The following MDGA2 variants were observed in gnomAD, a reference collection of about 807,000 sequenced individuals.
The protein encoded by MDGA2 is MAM domain-containing glycosylphosphatidylinositol anchor protein 2.
A neutral mutation model predicts 117.8 loss-of-function variants in MDGA2; 40 were observed. The observed-to-expected ratio is 0.34, with a 90% CI of 0.26 to 0.44. The LOEUF (loss-of-function observed/expected upper bound fraction) is 0.44. Ranked by LOEUF, MDGA2 falls within the 20% of genes least tolerant of loss-of-function variation. The pLI, the probability that MDGA2 is intolerant of heterozygous loss-of-function variation, is 1.00. For missense variants in MDGA2, 1,123 were observed against 1,250.6 expected (o/e 0.90, Z 1.54); for synonymous variants, 452 against 439.0 (o/e 1.03, Z -0.37).
intron 1 of MDGA2, among the ~76,000 whole-genome samples, chr14:47,556,103 G>C (rs191530806): frequency 2.2e-4 from 34 of 152,230 alleles, no homozygotes; most frequent in African/African-American, 7.0e-4. Context: ...AAGCTTTTCT[G>C]GCTATATTCG....
chr14:47,441,989 T>A (rs1893021739), intron 1 of MDGA2, among the ~76,000 whole-genome samples: 1 of 151,776 alleles, frequency 6.6e-6, no homozygotes, highest in Non-Finnish European at 1.5e-5. Context: ...GATTTAAGGT[T>A]CTATTTAGGA....
chr14:46,992,038 AT>A (rs1270314843), intron 8 of MDGA2, among the ~76,000 whole-genome samples: 1 of 152,118 alleles, frequency 6.6e-6, no homozygotes, highest in Admixed American at 6.6e-5. Context: ...TAATTTCATG[AT>A]TTAGTAATAA....
rs3039658 is a variant in MDGA2 at position 47,508,352 on chromosome 14, A to ACTCTCTCTCTCTCTCTCTCTCTCTCTCT, written c.280+166137_280+166164dup. Reference sequence around the variant, plus strand: ...CACATATTTCCTAATTTGCTGATTGACTCTCTCTCTCTCTCTCTCTCTCTC... The same window carrying ACTCTCTCTCTCTCTCTCTCTCTCTCTCT: ...CACATATTTCCTAATTTGCTGATTGACTCTCTCTCTCTCTCTCTCTCTCTCTCTCTCTCTCTCTCTCTCTCTCTCTCTC... On this transcript the variant is annotated intron_variant, in intron 1 of 16. Coordinates refer to ENST00000399232, the MANE Select transcript of MDGA2 (RefSeq NM_001113498.3). 9.8e-5 allele frequency among the ~76,000 whole-genome samples: 13 copies of ACTCTCTCTCTCTCTCTCTCTCTCTCTCT among 132,826 alleles called. 1 individual carries two copies. Among genetic ancestry groups the ACTCTCTCTCTCTCTCTCTCTCTCTCTCT allele is most frequent in the African/African-American group, 3.8e-4 (13 of 34,516 alleles). 87.1% of individuals were successfully genotyped at this position (132,826 alleles called of 152,430 possible).
intron 16 of MDGA2, among the ~76,000 whole-genome samples, chr14:46,844,590 A>T (rs952428778): frequency 1.6e-4 from 25 of 152,104 alleles, no homozygotes; most frequent in African/African-American, 6.0e-4. Context: ...TCAAAAAAAA[A>T]AATTGGCTAA....
At chr14:47,107,370 A>G (rs969934562) in intron 5 of MDGA2, among the ~76,000 whole-genome samples, 3 of 152,056 alleles carry the variant, frequency 2.0e-5, no homozygotes, top group Non-Finnish European at 1.5e-5. Context: ...CCGTGGTGCC[A>G]AACCCATATA....
chr14:47,238,616 T>C (rs1197061422), intron 2 of MDGA2, among the ~76,000 whole-genome samples: 1 of 151,710 alleles, frequency 6.6e-6, no homozygotes, highest in East Asian at 1.9e-4. Context: ...TGTTATAAAT[T>C]ACCCTATGGA....
chr14:46,857,445 G>A (rs143928589), intron 14 of MDGA2, among the ~76,000 whole-genome samples: 4,513 of 152,064 alleles, frequency 0.03, 85 homozygotes, highest in Non-Finnish European at 0.041. Flanking sequence ...TATTTCTAAT[G>A]TGAAGTAAAC....
intron 5 of MDGA2, among the ~76,000 whole-genome samples, chr14:47,106,274 C>T (rs1249858847): frequency 6.6e-6 from 1 of 152,104 alleles, no homozygotes; most frequent in Non-Finnish European, 1.5e-5. Context: ...GGCCCTCAAA[C>T]CCCACAACAG....
intron 1 of MDGA2, among the ~76,000 whole-genome samples, chr14:47,460,388 G>C (rs1893457312): frequency 6.6e-6 from 1 of 152,104 alleles, no homozygotes; most frequent in Non-Finnish European, 1.5e-5. Flanking sequence ...TTATAACTGA[G>C]AGAAGAAATG....
At chr14:46,861,013 C>T (rs1052057893) in intron 14 of MDGA2, among the ~76,000 whole-genome samples, 1 of 151,718 alleles carries the variant, frequency 6.6e-6, no homozygotes, top group East Asian at 1.9e-4. Flanking sequence ...CCTCTTTATT[C>T]ATTCTTGAAT....
intron 1 of MDGA2, among the ~76,000 whole-genome samples, chr14:47,485,011 G>A (rs1380151888): frequency 2.0e-5 from 3 of 152,148 alleles, no homozygotes; most frequent in Admixed American, 6.6e-5. Flanking sequence ...ATTGGTGCCA[G>A]TAGAGTGGGG....
chr14:47,592,395 A>T (rs993336652), intron 1 of MDGA2, among the ~76,000 whole-genome samples: 4 of 152,158 alleles, frequency 2.6e-5, no homozygotes, highest in African/African-American at 9.6e-5. Flanking sequence ...AAAACTTTAA[A>T]ATTCATACAG....
At chr14:47,426,030 AG>A (rs1397774254) in intron 1 of MDGA2, among the ~76,000 whole-genome samples, 2 of 151,944 alleles carry the variant, frequency 1.3e-5, no homozygotes, top group Non-Finnish European at 2.9e-5. Flanking sequence ...CCAGTCTGGG[AG>A]GGTTCTCTGA....
intron 1 of MDGA2, among the ~76,000 whole-genome samples, chr14:47,605,627 G>A (rs1896728722): frequency 6.6e-6 from 1 of 151,794 alleles, no homozygotes; most frequent in African/African-American, 2.4e-5. Context: ...TTATAGATAA[G>A]CTTTATAATG....
At chr14:46,869,218 G>C (rs990960767) in intron 14 of MDGA2, among the ~76,000 whole-genome samples, 1 of 151,932 alleles carries the variant, frequency 6.6e-6, no homozygotes, top group Non-Finnish European at 1.5e-5. Context: ...TACAATGAAT[G>C]TATTCATAAG....
chr14:47,272,509 TC>T (rs1177600979), intron 2 of MDGA2, among the ~76,000 whole-genome samples: 1 of 152,106 alleles, frequency 6.6e-6, no homozygotes, highest in Non-Finnish European at 1.5e-5. Context: ...CCTCTGCCCT[TC>T]TAGGATGGAC....
chr14:46,945,327 G>A (rs559961240), intron 9 of MDGA2, among the ~76,000 whole-genome samples: 1 of 152,198 alleles, frequency 6.6e-6, no homozygotes, highest in East Asian at 1.9e-4. Context: ...TCTTTACTCT[G>A]ACATGGTTTT....
chr14:46,893,033 T>C (rs941217357), intron 10 of MDGA2, among the ~76,000 whole-genome samples: 9 of 151,892 alleles, frequency 5.9e-5, no homozygotes, highest in Admixed American at 3.9e-4. Flanking sequence ...CACCAACTTA[T>C]AAAGACAACT....
chr14:46,964,142 A>G (rs57012818), intron 8 of MDGA2, among the ~76,000 whole-genome samples: 17,940 of 152,118 alleles, frequency 0.12, 2,017 homozygotes, highest in African/African-American at 0.27. Context: ...CTCCTCTGCA[A>G]AAACCATGTG....
Sources: allele counts gnomAD v4.1 joint callset (sites outside exome capture counted in the v4.1 genomes callset), GRCh38; gene constraint gnomAD v4.1.1; transcripts MANE v1.5; gene names NCBI Gene and HGNC (gene_info 2026-07-23, HGNC 2026-07-21).